Variants in ASB5 observed in about 807,000 individuals in gnomAD.
ASB5 encodes ankyrin repeat and SOCS box containing 5, also known as ankyrin repeat and SOCS box protein 5.
ASB5 carries 45 observed loss-of-function variants against 42.1 expected under a neutral mutation model. The observed-to-expected ratio is 1.07, with a 90% CI of 0.84 to 1.37. The LOEUF (loss-of-function observed/expected upper bound fraction) is 1.37, where lower values mean the gene tolerates loss of function less well. Ranked by LOEUF, ASB5 falls within the 40% of genes most tolerant of loss-of-function variation. The probability of loss-of-function intolerance (pLI) is 0.00; values close to 1 mark genes in which losing one functional copy is unlikely to be tolerated. For synonymous variants in ASB5, 147 were observed against 150.6 expected, an observed-to-expected ratio of 0.98 and a Z score of 0.18; for missense variants, 402 against 399.8, an observed-to-expected ratio of 1.01 and a Z score of -0.05.
intron 1 of ASB5, among the ~76,000 whole-genome samples, chr4:176,234,277 G>A (rs944524989): frequency 4.6e-5 from 7 of 152,250 alleles, no homozygotes; most frequent in East Asian, 1.9e-4. Flanking sequence ...CTCTGATCTC[G>A]GGTTCTACCC....
At chr4:176,224,278 A>T (rs1753310365) in intron 2 of ASB5, among the ~76,000 whole-genome samples, 1 of 115,202 alleles carries the variant, frequency 8.7e-6, no homozygotes, top group South Asian at 3.0e-4. Context: ...TCTGTCGCCT[A>T]GGCTGGAGTG....
chr4:176,264,952 G>A (rs1339249208), intron 1 of ASB5, among the ~76,000 whole-genome samples: 1 of 151,828 alleles, frequency 6.6e-6, no homozygotes, highest in Admixed American at 6.6e-5. Context: ...TACCAAACTA[G>A]TCTAGGTCCT....
chr4:176,245,228 T>A (rs1361052592), intron 1 of ASB5, among the ~76,000 whole-genome samples: 1 of 151,630 alleles, frequency 6.6e-6, no homozygotes, highest in Non-Finnish European at 1.5e-5. Context: ...CATCAAAAAG[T>A]GGGGAGAGGA....
chr4:176,215,964 G>T (rs1752957151), intron 6 of ASB5, among the ~76,000 whole-genome samples: 2 of 151,962 alleles, frequency 1.3e-5, no homozygotes, highest in Non-Finnish European at 2.9e-5. Flanking sequence ...TCAGGCTTAG[G>T]AAATAATTGT....
chr4:176,246,164 G>T (rs1190653386), intron 1 of ASB5, among the ~76,000 whole-genome samples: 1 of 152,048 alleles, frequency 6.6e-6, no homozygotes, highest in Non-Finnish European at 1.5e-5. Context: ...TAAAATATCA[G>T]AATTGGAAGA....
intron 1 of ASB5, among the ~76,000 whole-genome samples, chr4:176,263,535 A>T (rs963384806): frequency 2.0e-5 from 3 of 152,190 alleles, no homozygotes; most frequent in African/African-American, 7.2e-5. Context: ...GTATAATGTC[A>T]TGTATTTTGT....
intron 1 of ASB5, among the ~76,000 whole-genome samples, chr4:176,239,341 T>C (rs1753762977): frequency 6.6e-6 from 1 of 152,218 alleles, no homozygotes; most frequent in Non-Finnish European, 1.5e-5. Context: ...CTTATTATTC[T>C]GTAACAACAA....
rs193033409 is a variant in ASB5 at position 176,275,930 on chromosome 4, A to T, written c.-200-24T>A. The T allele has an allele frequency of 1.6e-4, 24 of 152,358 alleles. No individual in the cohort carries two copies. The East Asian group carries it at 4.2e-3, about 27-fold the overall frequency. 9.4% of individuals were successfully genotyped at this position (152,358 alleles called of 1,614,324 possible). On this transcript the variant is annotated intron_variant, in intron 1 of 2. Transcript: ENST00000505299. ...ACCTGTGTATAGAAGACAGAAAATG[A>T]GCTGGGCTTCATCTTTTCCTTGTTA... is the stretch of plus-strand genomic sequence containing the variant.
At chr4:176,231,177 C>T (rs929814392) in intron 1 of ASB5, among the ~76,000 whole-genome samples, 1 of 152,138 alleles carries the variant, frequency 6.6e-6, no homozygotes, top group African/African-American at 2.4e-5. Context: ...ATCACCATCT[C>T]CCCACGGCAC....
chr4:176,225,743 C>T (rs1489129320), intron 1 of ASB5, among the ~76,000 whole-genome samples: 2 of 152,140 alleles, frequency 1.3e-5, no homozygotes, highest in East Asian at 3.9e-4. Flanking sequence ...GCGCACACCA[C>T]CACGCCCGGA....
intron 1 of ASB5, among the ~76,000 whole-genome samples, chr4:176,226,488 CT>C (rs1753382380): frequency 6.6e-6 from 1 of 152,160 alleles, no homozygotes; most frequent in Non-Finnish European, 1.5e-5. Context: ...TGTTGAGGGA[CT>C]TCTCAGCCTC....
chr4:176,215,741 T>C lies in ASB5; in HGVS notation c.863-14A>G, dbSNP rs1414713613. On this transcript the variant is annotated splice_polypyrimidine_tract_variant and intron_variant, in intron 6 of 6. Coordinates refer to ENST00000296525, the MANE Select transcript of ASB5 (RefSeq NM_080874.4). ...AGCTTGGGGTAGCTACAAGAAGACA[T>C]GAATCTATTTGTTAATTAAAATAGA... is the stretch of plus-strand genomic sequence containing the variant. The C allele has an allele frequency of 6.3e-7, 1 of 1,595,538 alleles. No individual in the cohort carries two copies. The highest frequency in any genetic ancestry group is 1.8e-5 in the Admixed American group (1 of 55,464).
chr4:176,245,201 A>G (rs1297978776), intron 1 of ASB5, among the ~76,000 whole-genome samples: 1 of 152,198 alleles, frequency 6.6e-6, no homozygotes, highest in East Asian at 1.9e-4. Context: ...AATTTATGAG[A>G]AAAAATCAAA....
At chr4:176,253,923 CA>C (rs1456133376) in intron 1 of ASB5, among the ~76,000 whole-genome samples, 2 of 152,082 alleles carry the variant, frequency 1.3e-5, no homozygotes, top group Non-Finnish European at 2.9e-5. Flanking sequence ...ATGATCCAAA[CA>C]AAAAAATTCC....
intron 1 of ASB5, among the ~76,000 whole-genome samples, chr4:176,236,642 C>T (rs1753691220): frequency 6.6e-6 from 1 of 152,096 alleles, no homozygotes; most frequent in African/African-American, 2.4e-5. Context: ...TCTTCAAGCT[C>T]CAGCTATTAC....
At chr4:176,241,585 C>T (rs868343108) in intron 1 of ASB5, 2 of 1,460,382 alleles carry the variant, frequency 1.4e-6, no homozygotes, top group African/African-American at 1.4e-5. Context: ...CTTTAGGAGT[C>T]ATATCTGAGC....
Position 176,244,583 on chromosome 4 carries a change from A to G in ASB5, c.197-19242T>C, listed in dbSNP as rs532859765. Among the ~76,000 whole-genome samples, 82 of 152,272 alleles carry G rather than the reference A, an allele frequency of 5.4e-4. 1 individual carries two copies. Among genetic ancestry groups the G allele is most frequent in the African/African-American group, 1.9e-3 (81 of 41,554 alleles). The stretch of plus-strand genomic sequence containing the variant: ...TCAATTTTATCCTACGACCAAGTGA[A>G]AATAGCCAAACTGTAAACAGTCACT... On this transcript the variant is annotated intron_variant, in intron 1 of 6. Transcript: ENST00000296525.
At position 176,221,230 on chromosome 4, in the gene ASB5, G is replaced by A; in HGVS notation, c.595C>T (p.Pro199Ser). The change falls in exon 5 of 7, where the codon CCT becomes TCT. Residue 199 changes from proline to serine, a missense_variant. Physicochemically the swap from Pro to Ser is moderately conservative, Grantham distance 74 (BLOSUM62 -1). Coordinates refer to ENST00000296525, the MANE Select transcript of ASB5 (RefSeq NM_080874.4). ...SWGIDVDQEI[P>S]HLGTPLYVAC... is the part of the protein sequence containing the mutation. ...ACATAGAGAGGAGTTCCCAAATGAGGAATTTCTTGGTCAACATCTATGCCC... is the reference window on the plus strand; with the variant it reads ...ACATAGAGAGGAGTTCCCAAATGAGAAATTTCTTGGTCAACATCTATGCCC... 1 of 1,614,080 alleles carries A rather than the reference G, an allele frequency of 6.2e-7. No homozygotes were observed. The highest frequency in any genetic ancestry group is 8.5e-7 in the Non-Finnish European group (1 of 1,179,990).
intron 1 of ASB5, among the ~76,000 whole-genome samples, chr4:176,232,153 G>C (rs1229276551): frequency 1.5e-5 from 2 of 132,840 alleles, no homozygotes; most frequent in African/African-American, 5.7e-5. Context: ...TTGGAGTTTT[G>C]CTCTTGTCAC....
Sources: gnomAD v4.1 joint callset for allele counts (sites outside exome capture counted in the v4.1 genomes callset) on GRCh38, gnomAD v4.1.1 for gene constraint, MANE v1.5 for transcripts, NCBI Gene and HGNC (gene_info 2026-07-23, HGNC 2026-07-21) for gene names.